Variants in DOP1A observed in about 807,000 individuals in gnomAD.
The protein encoded by DOP1A is DOP1 leucine zipper like protein A, also known as protein DOP1A.
In DOP1A, 90 loss-of-function variants were observed where a neutral mutation model predicts 267.6. That is an observed-to-expected ratio of 0.34 (90% CI 0.28 to 0.40). The LOEUF (loss-of-function observed/expected upper bound fraction) is 0.40. DOP1A is among the 10% of genes least tolerant of loss of function. DOP1A has a pLI of 1.00. For synonymous variants in DOP1A, 932 were observed against 999.1 expected, an observed-to-expected ratio of 0.93 and a Z score of 1.27; for missense variants, 2,437 against 2,900.4, an observed-to-expected ratio of 0.84 and a Z score of 3.67.
chr6:83,146,484 G>A (rs1780672569), intron 25 of DOP1A, among the ~76,000 whole-genome samples: 2 of 152,080 alleles, frequency 1.3e-5, no homozygotes, highest in Non-Finnish European at 2.9e-5. Flanking sequence ...AGGATTTTTA[G>A]TTTGTATTTT....
intron 1 of DOP1A, among the ~76,000 whole-genome samples, chr6:83,087,996 C>T (rs911725877): frequency 2.6e-5 from 4 of 152,050 alleles, no homozygotes; most frequent in Non-Finnish European, 4.4e-5. Context: ...CTCAGCCTCC[C>T]GAGTAGTTGG....
chr6:83,135,758 C>T lies in DOP1A; in HGVS notation c.3010C>T (p.Pro1004Ser), dbSNP rs1778779099. 1 of 1,613,520 alleles carries T rather than the reference C, an allele frequency of 6.2e-7. No individual in the cohort carries two copies. The highest frequency in any genetic ancestry group is 8.5e-7 in the Non-Finnish European group (1 of 1,179,680). ...ACCATTGCTATTGCTCCTGCTTCAT[C>T]CAAAAACTCAGAGGGTTTCAGTACA... ...LEPLLLLLLH[P>S]KTQRVSVQRV... Residue 1004 changes from proline (P) to serine (S), a missense_variant, in exon 20 of 39, where the codon CCA becomes TCA. This residue lies in a region of DOP1A where 878 missense variants were observed against 992.9 expected (regional missense o/e 0.88). Transcript: ENST00000349129.
In DOP1A at chr6:83,158,641, A is replaced by G; in HGVS notation, c.6797+19A>G. ...TTTCACGGTAATATGTAATTTAAATATATTGTTGTCCATTTTTTAATACCC... is the reference window on the plus strand; with the variant it reads ...TTTCACGGTAATATGTAATTTAAATGTATTGTTGTCCATTTTTTAATACCC... On this transcript the variant is annotated intron_variant, in intron 36 of 38. Coordinates refer to ENST00000349129, the MANE Select transcript of DOP1A (RefSeq NM_015018.4). 6.4e-7 allele frequency: 1 copy of G among 1,570,552 alleles called. No homozygotes were observed. Among genetic ancestry groups the G allele is most frequent in the African/African-American group, 1.4e-5 (1 of 74,000 alleles).
chr6:83,152,030 A>T lies in DOP1A; in HGVS notation c.6049+3A>T. ...CAATTTGGAATCTGATGTTGAAGGT[A>T]TTCTTGTCAAACATTTAGGTTTATT... is the stretch of plus-strand genomic sequence containing the variant. On this transcript the variant is annotated splice_donor_region_variant and intron_variant, in intron 29 of 38. Transcript: ENST00000349129. 6.2e-7 allele frequency: 1 copy of T among 1,613,828 alleles called. No individual in the cohort carries two copies. Among genetic ancestry groups the T allele is most frequent in the Non-Finnish European group, 8.5e-7 (1 of 1,179,786 alleles).
intron 7 of DOP1A, among the ~76,000 whole-genome samples, chr6:83,116,967 C>T (rs2128202064): frequency 6.6e-6 from 1 of 152,148 alleles, no homozygotes; most frequent in East Asian, 1.9e-4. Context: ...AATGTCCAGG[C>T]CTGAATAATC....
At chr6:83,079,426 A>G (rs909663982) in intron 1 of DOP1A, among the ~76,000 whole-genome samples, 2 of 152,148 alleles carry the variant, frequency 1.3e-5, no homozygotes, top group African/African-American at 4.8e-5. Context: ...ACTGGCTGTG[A>G]TTAAAATTTG....
chr6:83,082,192 A>C (rs1299963172), intron 1 of DOP1A, among the ~76,000 whole-genome samples: 1 of 152,214 alleles, frequency 6.6e-6, no homozygotes, highest in African/African-American at 2.4e-5. Context: ...AAGAAAATGA[A>C]ATCAGTATGT....
chr6:83,068,834 T>C (rs1785139791), intron 1 of DOP1A, among the ~76,000 whole-genome samples: 1 of 152,218 alleles, frequency 6.6e-6, no homozygotes. Flanking sequence ...CCACGAGTAG[T>C]CTAAATGCTT....
chr6:83,141,022 C>A (rs1214917370), intron 23 of DOP1A, among the ~76,000 whole-genome samples: 2 of 151,964 alleles, frequency 1.3e-5, no homozygotes, highest in Admixed American at 6.6e-5. Flanking sequence ...TGAAATTATA[C>A]AAAGATGTAT....
chr6:83,154,266 A>G, intron 33 of DOP1A, 25 bp downstream of exon 33: 1 of 1,601,218 alleles, frequency 6.2e-7, no homozygotes, highest in Non-Finnish European at 8.6e-7. Flanking sequence ...ATGACAATCC[A>G]AGTTCTTTCC....
At chr6:83,111,419 ACT>A (rs1271881916) in intron 6 of DOP1A, among the ~76,000 whole-genome samples, 1 of 150,778 alleles carries the variant, frequency 6.6e-6, no homozygotes, top group Non-Finnish European at 1.5e-5. Flanking sequence ...TTTTTTGGTA[ACT>A]CTGTTGAACT....
chr6:83,125,731 AAG>A lies in DOP1A; in HGVS notation c.1718_1719del (p.Lys573SerfsTer7). 1 of 1,606,280 alleles carries A rather than the reference AAG, an allele frequency of 6.2e-7. No individual in the cohort carries two copies. Among genetic ancestry groups the A allele is most frequent in the Non-Finnish European group, 8.5e-7 (1 of 1,173,572 alleles). ...NNSVKEWEDK[K>X]VSSVSHENPT... ...TTCAGTCAAAGAGTGGGAAGACAAAAAGGTAATTTTAACTATTATTTTTGGTA... is the reference window on the plus strand; with the variant it reads ...TTCAGTCAAAGAGTGGGAAGACAAAAGTAATTTTAACTATTATTTTTGGTA... On this transcript the variant is annotated frameshift_variant and splice_region_variant, in exon 15 of 39. Coordinates refer to ENST00000349129, the MANE Select transcript of DOP1A (RefSeq NM_015018.4). LOFTEE classifies it high-confidence loss of function.
chr6:83,102,324 A>G (rs1562297455), intron 4 of DOP1A, among the ~76,000 whole-genome samples: 2 of 152,166 alleles, frequency 1.3e-5, no homozygotes, highest in Admixed American at 1.3e-4. Flanking sequence ...GTTATGTCTC[A>G]TGGTGGTTAA....
At chr6:83,135,535 A>G (rs1583059114) in intron 19 of DOP1A, 84 bp from the exon 20 acceptor site, 2 of 1,394,706 alleles carry the variant, frequency 1.4e-6, no homozygotes, top group East Asian at 4.8e-5. Context: ...ATTCAAAATA[A>G]GAAACAGAAT....
intron 3 of DOP1A, among the ~76,000 whole-genome samples, chr6:83,098,161 A>G (rs1416305437): frequency 6.6e-6 from 1 of 152,194 alleles, no homozygotes; most frequent in East Asian, 1.9e-4. Flanking sequence ...CTGGGATTAC[A>G]GGCATTAGCC....
intron 17 of DOP1A, 123 bp from the exon 18 acceptor site, chr6:83,132,053 A>G (rs1778138373): frequency 8.8e-7 from 1 of 1,136,310 alleles, no homozygotes; most frequent in Non-Finnish European, 1.3e-6. Context: ...ATCCCCATGC[A>G]GTAGAATATT....
chr6:83,125,135 C>T (rs748407912), intron 13 of DOP1A, 31 bp from the exon 14 acceptor site: 2 of 1,572,122 alleles, frequency 1.3e-6, no homozygotes, highest in Non-Finnish European at 1.7e-6. Flanking sequence ...TCTGTTTTCT[C>T]TCCTCACTTC....
intron 18 of DOP1A, 134 bp downstream of exon 18, chr6:83,132,462 G>C: frequency 1.0e-6 from 1 of 983,668 alleles, no homozygotes. Flanking sequence ...TTTGTTCACA[G>C]TGATCTTAAT....
At position 83,159,969 on chromosome 6, in the gene DOP1A, A is replaced by C; in HGVS notation, c.6962+9A>C. ...CTTCCTCAGTTTCAGATGTAAGTAA[A>C]AGCAAGGATATTAAATGGTTATTTT... On this transcript the variant is annotated intron_variant, in intron 37 of 38. Transcript: ENST00000349129. The C allele has an allele frequency of 6.2e-7, 1 of 1,613,550 alleles. No homozygotes were observed. The highest frequency in any genetic ancestry group is 8.5e-7 in the Non-Finnish European group (1 of 1,179,782).
Sources: allele counts gnomAD v4.1 joint callset (sites outside exome capture counted in the v4.1 genomes callset), GRCh38; gene constraint gnomAD v4.1.1; regional missense constraint gnomAD v4.1.1; transcripts MANE v1.5; gene names NCBI Gene and HGNC (gene_info 2026-07-23, HGNC 2026-07-21).